Variants in SMIM35 observed in about 807,000 individuals in gnomAD.
SMIM35 encodes TMPRSS4 antisense RNA 1 (non-protein coding).
chr11:118,028,542 T>A (rs946296788), intron 1 of SMIM35, among the ~76,000 whole-genome samples: 7 of 152,154 alleles, frequency 4.6e-5, no homozygotes, highest in African/African-American at 1.7e-4. Flanking sequence ...AAACCCCTTT[T>A]AAAAAAATTA....
At chr11:118,015,908 A>G (rs17121524) in intron 1 of SMIM35, 99 bp from the exon 2 acceptor site, 42,829 of 398,338 alleles carry the variant, frequency 0.11, 4,216 homozygotes, top group East Asian at 0.42. Context: ...GCCTACCAAC[A>G]TAACTGTCCC....
chr11:118,043,840 G>A (rs1158085319), intron 1 of SMIM35, among the ~76,000 whole-genome samples: 4 of 149,704 alleles, frequency 2.7e-5, no homozygotes, highest in African/African-American at 9.8e-5. Flanking sequence ...AGTAGGTTAT[G>A]GGGGGGCCAG....
chr11:118,061,289 G>T (rs1324775262), intron 1 of SMIM35, among the ~76,000 whole-genome samples: 1 of 152,246 alleles, frequency 6.6e-6, no homozygotes, highest in Non-Finnish European at 1.5e-5. Flanking sequence ...AGTTCTGAGA[G>T]TGTTTCCCTG....
At chr11:118,054,436 GAAGTT>G (rs2135109127) in intron 1 of SMIM35, among the ~76,000 whole-genome samples, 1 of 152,294 alleles carries the variant, frequency 6.6e-6, no homozygotes, top group Non-Finnish European at 1.5e-5. Flanking sequence ...ATGATCCATT[GAAGTT>G]TTTGATCAAA....
intron 1 of SMIM35, among the ~76,000 whole-genome samples, chr11:118,058,661 G>T (rs1479024014): frequency 6.6e-6 from 1 of 152,218 alleles, no homozygotes; most frequent in Non-Finnish European, 1.5e-5. Context: ...GGGCAGTGCA[G>T]ACTGGGAACC....
intron 1 of SMIM35, among the ~76,000 whole-genome samples, chr11:118,059,922 T>C (rs561994438): frequency 1.3e-5 from 2 of 152,264 alleles, no homozygotes; most frequent in East Asian, 1.9e-4. Flanking sequence ...GGAAGATAAG[T>C]ACCAAAGCAA....
intron 1 of SMIM35, among the ~76,000 whole-genome samples, chr11:118,076,316 A>G (rs1232663420): frequency 6.6e-6 from 1 of 152,030 alleles, no homozygotes; most frequent in South Asian, 2.1e-4. Context: ...GTGTGGTGGC[A>G]GGTGGCTGTA....
chr11:118,013,807 T>C lies in SMIM35; in HGVS notation c.232A>G (p.Met78Val), dbSNP rs2058162314. 2 of 398,938 alleles carry C rather than the reference T, an allele frequency of 5.0e-6. No homozygotes were observed. Among genetic ancestry groups the C allele is most frequent in the Admixed American group, 4.4e-5 (1 of 22,714 alleles). 24.7% of individuals were successfully genotyped at this position (398,938 alleles called of 1,614,324 possible). Residue 78 changes from methionine (M) to valine (V), a missense_variant, in exon 4 of 5, where the codon ATG becomes GTG. Coordinates refer to ENST00000689828, the MANE Select transcript of SMIM35 (RefSeq NM_001394165.1). ...GHISSTDGGY[M>V]KFSNGLV Reference sequence around the variant, plus strand: ...CAGACTAGCCCGTTGGAGAACTTCATGTAGCCACCATCTGTGCTGCTGATG... The same window carrying C: ...CAGACTAGCCCGTTGGAGAACTTCACGTAGCCACCATCTGTGCTGCTGATG...
chr11:118,077,441 A>T (rs767564946), intron 1 of SMIM35: 131 of 1,037,314 alleles, frequency 1.3e-4, no homozygotes, highest in Admixed American at 1.2e-3. Context: ...CCACACCCAA[A>T]TCCCCTCACA....
chr11:118,061,907 A>G (rs953734488), intron 1 of SMIM35, among the ~76,000 whole-genome samples: 3 of 152,172 alleles, frequency 2.0e-5, no homozygotes, highest in African/African-American at 7.2e-5. Flanking sequence ...GTAAGTAACA[A>G]TGCCACCTAC....
intron 1 of SMIM35, among the ~76,000 whole-genome samples, chr11:118,043,524 G>A (rs1321312066): frequency 1.3e-5 from 2 of 152,082 alleles, no homozygotes. Flanking sequence ...GAGAAAGAAA[G>A]TAGAGGCTGG....
intron 1 of SMIM35, among the ~76,000 whole-genome samples, chr11:118,043,781 C>T (rs558378434): frequency 6.9e-4 from 95 of 136,702 alleles, no homozygotes; most frequent in African/African-American, 2.4e-3. Context: ...CCAGCCTGGG[C>T]GACAGAGAGA....
chr11:118,048,829 A>G (rs1944154645), intron 1 of SMIM35, among the ~76,000 whole-genome samples: 1 of 151,382 alleles, frequency 6.6e-6, no homozygotes, highest in Non-Finnish European at 1.5e-5. Context: ...TAGAAAGGAC[A>G]TGACCTAAAG....
chr11:118,041,452 A>T (rs1406623448), intron 1 of SMIM35, among the ~76,000 whole-genome samples: 1 of 152,236 alleles, frequency 6.6e-6, no homozygotes, highest in Non-Finnish European at 1.5e-5. Context: ...AATACAAAGT[A>T]TATTCTCTGA....
At position 118,026,793 on chromosome 11, in the gene SMIM35, C is replaced by A. The variant is rs1016301352; in HGVS notation, c.8-10984G>T. Among the ~76,000 whole-genome samples, 25 of 151,998 alleles carry A rather than the reference C, an allele frequency of 1.6e-4. No individual in the cohort carries two copies. In the South Asian group the frequency reaches 3.8e-3, roughly 23 times the overall value. ...GACCAGCCTGAGCAACACAGTGAGA[C>A]CCTGTTTCTTTTTTTAAAAAATAAA... is the stretch of plus-strand genomic sequence containing the variant. On this transcript the variant is annotated intron_variant, in intron 1 of 4. Coordinates refer to ENST00000689828, the MANE Select transcript of SMIM35 (RefSeq NM_001394165.1).
At chr11:118,081,126 T>C (rs1310896127) in intron 1 of SMIM35, among the ~76,000 whole-genome samples, 1 of 152,228 alleles carries the variant, frequency 6.6e-6, no homozygotes, top group Non-Finnish European at 1.5e-5. Context: ...AGTGGATTGA[T>C]GGATGACAGG....
chr11:118,069,384 T>C (rs965077317), intron 1 of SMIM35, among the ~76,000 whole-genome samples: 1 of 152,200 alleles, frequency 6.6e-6, no homozygotes, highest in African/African-American at 2.4e-5. Context: ...GCACTGTCTC[T>C]AACCCCCTCT....
At chr11:118,009,327 T>C (rs752011341) in intron 4 of SMIM35, among the ~76,000 whole-genome samples, 4 of 152,206 alleles carry the variant, frequency 2.6e-5, no homozygotes, top group Non-Finnish European at 5.9e-5. Flanking sequence ...GACAAAGGAC[T>C]ATAAAGAAAA....
At chr11:118,011,348 A>G (rs912779197) in intron 4 of SMIM35, among the ~76,000 whole-genome samples, 1 of 152,156 alleles carries the variant, frequency 6.6e-6, no homozygotes, top group African/African-American at 2.4e-5. Flanking sequence ...GTGGCCGGGC[A>G]TGGACTGCAG....
Sources: gnomAD v4.1 joint callset for allele counts (sites outside exome capture counted in the v4.1 genomes callset) on GRCh38, gnomAD v4.1.1 for gene constraint, MANE v1.5 for transcripts, NCBI Gene and HGNC (gene_info 2026-07-23, HGNC 2026-07-21) for gene names.